Variants in DEPTOR observed in about 807,000 individuals in gnomAD.
The protein encoded by DEPTOR is DEP domain-containing mTOR-interacting protein.
DEPTOR carries 41 observed loss-of-function variants against 41.6 expected under a neutral mutation model. The ratio of observed to expected loss-of-function variants is 0.98; its 90% CI spans 0.77 to 1.28. DEPTOR has a LOEUF of 1.28. Ranked by LOEUF, DEPTOR falls within the 50% of genes most tolerant of loss-of-function variation. DEPTOR has a pLI of 0.00. For synonymous variants in DEPTOR, 195 were observed against 192.3 expected, an observed-to-expected ratio of 1.01 and a Z score of -0.12; for missense variants, 514 against 527.9, an observed-to-expected ratio of 0.97 and a Z score of 0.26.
rs544287241 is a variant in DEPTOR at position 119,949,026 on chromosome 8, T to A, written c.426-16206T>A. The stretch of plus-strand genomic sequence containing the variant: ...GTCTCAAACTCCTGACCTCAGGTGA[T>A]CCACCCGCCTTGGCCTCCCAAAGTG... On this transcript the variant is annotated intron_variant, in intron 3 of 8. Transcript: ENST00000286234. 2.0e-5 allele frequency among the ~76,000 whole-genome samples: 3 copies of A among 152,330 alleles called. No individual in the cohort carries two copies. In the South Asian group the frequency reaches 6.2e-4, roughly 32 times the overall value.
intron 1 of DEPTOR, among the ~76,000 whole-genome samples, chr8:119,902,241 A>G (rs561812204): frequency 6.6e-6 from 1 of 152,352 alleles, no homozygotes; most frequent in African/African-American, 2.4e-5. Flanking sequence ...GGAATAAAAA[A>G]TATGCTAAGT....
At chr8:119,995,117 T>C (rs1280416584) in intron 4 of DEPTOR, among the ~76,000 whole-genome samples, 1 of 152,182 alleles carries the variant, frequency 6.6e-6, no homozygotes, top group Non-Finnish European at 1.5e-5. Context: ...TACAACACTC[T>C]ATGTCAGATG....
chr8:119,894,427 C>T (rs1563959108), intron 1 of DEPTOR, among the ~76,000 whole-genome samples: 1 of 78,530 alleles, frequency 1.3e-5, no homozygotes, highest in Non-Finnish European at 3.1e-5. Flanking sequence ...GACAGAGTCT[C>T]GCTCTGTTGC....
rs867576668 is a variant in DEPTOR at position 120,032,220 on chromosome 8, T to C, written c.1102-17356T>C. On this transcript the variant is annotated intron_variant, in intron 8 of 8. Coordinates refer to ENST00000286234, the MANE Select transcript of DEPTOR (RefSeq NM_022783.4). ...ATATGACACTAACTTTCTTTTTTTT[T>C]TTTTTTTTTTTTTTTTGAGACAAAG... Among the ~76,000 whole-genome samples, 526 of 145,786 alleles carry C rather than the reference T, an allele frequency of 3.6e-3. 11 individuals are homozygous for C. Among genetic ancestry groups the C allele is most frequent in the Middle Eastern group, 7.2e-3 (2 of 278 alleles).
At chr8:119,906,106 AC>A (rs769905396) in intron 1 of DEPTOR, among the ~76,000 whole-genome samples, 5 of 152,274 alleles carry the variant, frequency 3.3e-5, no homozygotes, top group Admixed American at 6.5e-5. Flanking sequence ...TGTAACAGTT[AC>A]ACACATGTAC....
intron 3 of DEPTOR, among the ~76,000 whole-genome samples, chr8:119,940,711 G>A (rs1828191812): frequency 6.6e-6 from 1 of 152,156 alleles, no homozygotes; most frequent in Non-Finnish European, 1.5e-5. Context: ...TTGCACTCCA[G>A]CGTGGGTGAC....
chr8:120,014,747 TC>T (rs1812584361), intron 8 of DEPTOR, among the ~76,000 whole-genome samples: 1 of 152,038 alleles, frequency 6.6e-6, no homozygotes, highest in Non-Finnish European at 1.5e-5. Context: ...TGTCTCAAAC[TC>T]CTGACTTCAA....
chr8:120,019,248 T>C (rs1812659134), intron 8 of DEPTOR, among the ~76,000 whole-genome samples: 1 of 152,106 alleles, frequency 6.6e-6, no homozygotes, highest in East Asian at 1.9e-4. Flanking sequence ...GAGGTTGCAG[T>C]GAGCCGAGAT....
rs376926984 is a variant in DEPTOR at position 119,929,896 on chromosome 8, A to G, written c.383A>G (p.Asn128Ser). 1.2e-6 allele frequency: 2 copies of G among 1,613,932 alleles called. No individual in the cohort carries two copies. Among genetic ancestry groups the G allele is most frequent in the South Asian group, 1.1e-5 (1 of 91,068 alleles). ...RKDDGTFPLD[N>S]EVKAFMRGQR... Reference sequence around the variant, plus strand: ...GATGACGGCACCTTCCCATTGGATAATGAAGTGAAGGCCTTTATGAGAGGA... The same window carrying G: ...GATGACGGCACCTTCCCATTGGATAGTGAAGTGAAGGCCTTTATGAGAGGA... Residue 128 changes from asparagine (N) to serine (S), a missense_variant, in exon 3 of 9, where the codon AAT (asparagine) becomes AGT (serine). Physicochemically the swap from Asn to Ser is conservative, Grantham distance 46. Transcript: ENST00000286234.
chr8:119,933,816 A>T (rs1244723079), intron 3 of DEPTOR, among the ~76,000 whole-genome samples: 1 of 151,898 alleles, frequency 6.6e-6, no homozygotes. Flanking sequence ...ACTTTGTGAA[A>T]CTTTGTGGTT....
Position 119,928,567 on chromosome 8 carries a change from T to C in DEPTOR, c.290T>C (p.Ile97Thr), listed in dbSNP as rs1388160705. Residue 97 changes from isoleucine to threonine, a missense_variant, in exon 2 of 9, where the codon ATT (isoleucine) becomes ACT (threonine). Physicochemically the swap from Ile to Thr is moderately conservative, Grantham distance 89. Coordinates refer to ENST00000286234, the MANE Select transcript of DEPTOR (RefSeq NM_022783.4). ...ATGCAGAAATTAGCAGACCGGGGCA[T>C]TATTCACCATGGTGAGTGCGGTGGC... ...KLMQKLADRG[I>T]IHHVCDEHKE... 15 of 1,614,022 alleles carry C rather than the reference T, an allele frequency of 9.3e-6. No individual in the cohort carries two copies. The highest frequency in any genetic ancestry group is 1.3e-5 in the Non-Finnish European group (15 of 1,179,964).
chr8:119,981,777 G>A (rs140259905), intron 4 of DEPTOR, among the ~76,000 whole-genome samples: 4,803 of 152,114 alleles, frequency 0.032, 71 homozygotes, highest in Non-Finnish European at 0.04. Context: ...AGCACTTTGG[G>A]AAGCCAAGGC....
intron 5 of DEPTOR, among the ~76,000 whole-genome samples, 186 bp from the exon 6 acceptor site, chr8:120,002,791 A>AAGT: frequency 1.6e-5 from 1 of 60,674 alleles, no homozygotes; most frequent in Admixed American, 2.6e-4. Flanking sequence ...AAAAAAAAAA[A>AAGT]ATATATATAT....
At chr8:119,916,701 A>G (rs1827819646) in intron 1 of DEPTOR, among the ~76,000 whole-genome samples, 1 of 152,090 alleles carries the variant, frequency 6.6e-6, no homozygotes, top group African/African-American at 2.4e-5. Flanking sequence ...ATCACATCAG[A>G]CTTGTTCAGA....
intron 1 of DEPTOR, among the ~76,000 whole-genome samples, chr8:119,898,606 C>T (rs1827550140): frequency 2.0e-5 from 3 of 151,920 alleles, no homozygotes; most frequent in Non-Finnish European, 4.4e-5. Flanking sequence ...TGCCTGTGGT[C>T]CCAGCTGCTC....
intron 3 of DEPTOR, among the ~76,000 whole-genome samples, chr8:119,946,951 C>T (rs1192646650): frequency 6.6e-6 from 1 of 152,156 alleles, no homozygotes; most frequent in East Asian, 1.9e-4. Context: ...CTGGCCAGTT[C>T]AGACTGTCAT....
chr8:119,896,614 C>A (rs1827523374), intron 1 of DEPTOR, among the ~76,000 whole-genome samples: 1 of 152,154 alleles, frequency 6.6e-6, no homozygotes, highest in Non-Finnish European at 1.5e-5. Flanking sequence ...ATTCTCCCGC[C>A]TTGGCCTCAC....
chr8:119,993,139 C>A (rs963146668), intron 4 of DEPTOR, among the ~76,000 whole-genome samples: 1 of 152,082 alleles, frequency 6.6e-6, no homozygotes, highest in Non-Finnish European at 1.5e-5. Flanking sequence ...AATGTAGTCA[C>A]GTTATCCCCA....
chr8:119,982,603 C>G (rs571193339), intron 4 of DEPTOR, among the ~76,000 whole-genome samples: 54 of 152,332 alleles, frequency 3.5e-4, no homozygotes, highest in African/African-American at 1.3e-3. Context: ...AGTGAGGTTT[C>G]TCTGCCTCCT....
Sources: allele counts gnomAD v4.1 joint callset (sites outside exome capture counted in the v4.1 genomes callset), GRCh38; gene constraint gnomAD v4.1.1; transcripts MANE v1.5; gene names NCBI Gene and HGNC (gene_info 2026-07-23, HGNC 2026-07-21).